Variants in RIMS2 observed in about 807,000 individuals in gnomAD.
The protein encoded by RIMS2 is regulating synaptic membrane exocytosis protein 2.
In RIMS2, 59 loss-of-function variants were observed where a neutral mutation model predicts 174.4. That is an observed-to-expected ratio of 0.34 (90% CI 0.27 to 0.42). The LOEUF is 0.42. RIMS2 is among the 10% of genes least tolerant of loss of function. The pLI, the probability that RIMS2 is intolerant of heterozygous loss-of-function variation, is 1.00. For missense variants in RIMS2, 1,620 were observed against 1,666.3 expected, an observed-to-expected ratio of 0.97 and a Z score of 0.48; for synonymous variants, 606 against 572.5, an observed-to-expected ratio of 1.06 and a Z score of -0.84.
intron 19 of RIMS2, among the ~76,000 whole-genome samples, chr8:104,232,392 A>G (rs2099235331): frequency 6.6e-6 from 1 of 152,258 alleles, no homozygotes; most frequent in Non-Finnish European, 1.5e-5. Flanking sequence ...ATCATACATT[A>G]CAAAGAAACA....
At chr8:103,787,695 G>T (rs1357351163) in intron 3 of RIMS2, among the ~76,000 whole-genome samples, 1 of 152,144 alleles carries the variant, frequency 6.6e-6, no homozygotes. Flanking sequence ...CTCTCTGGCT[G>T]CCCTTAACAT....
intron 14 of RIMS2, 80 bp downstream of exon 16, chr8:103,943,006 A>G: frequency 9.6e-7 from 1 of 1,044,726 alleles, no homozygotes; most frequent in Non-Finnish European, 1.4e-6. Context: ...GAACTTGAAG[A>G]TATCTTTGTG....
intron 1 of RIMS2, among the ~76,000 whole-genome samples, chr8:103,534,087 T>C (rs1294245705): frequency 1.3e-5 from 2 of 152,222 alleles, no homozygotes; most frequent in Non-Finnish European, 1.5e-5. Context: ...TTTGGAAATT[T>C]GCTTTTGCTG....
rs1355756135 is a variant in RIMS2, at chr8:104,248,761, C to T, written c.3537C>T (p.Gly1179=). The change falls in exon 21 of 24, where the codon GGC becomes GGT. Residue 1179 remains glycine (G), a synonymous_variant. Transcript: ENST00000504942. ...GCCAGTTCAGTGATTTCCTGGATGG[C>T]CTTGGCCCTGCTCAGCTAGTGGGAC... 6 of 1,613,202 alleles carry T rather than the reference C, an allele frequency of 3.7e-6. No homozygotes were observed. The Admixed American group carries it at 8.3e-5, about 22-fold the overall frequency.
At chr8:103,990,584 A>G (rs1048939818) in intron 17 of RIMS2, among the ~76,000 whole-genome samples, 3 of 152,212 alleles carry the variant, frequency 2.0e-5, no homozygotes, top group African/African-American at 7.2e-5. Context: ...CAATACTGTA[A>G]TAGAAAGAAG....
intron 19 of RIMS2, among the ~76,000 whole-genome samples, chr8:104,037,486 A>G (rs560718469): frequency 1.3e-5 from 2 of 152,316 alleles, no homozygotes; most frequent in Non-Finnish European, 2.9e-5. Flanking sequence ...CCTGTTGTAA[A>G]TGGTGGTAAG....
At chr8:103,593,541 C>T (rs952819091) in intron 1 of RIMS2, among the ~76,000 whole-genome samples, 1 of 151,310 alleles carries the variant, frequency 6.6e-6, no homozygotes, top group African/African-American at 2.4e-5. Flanking sequence ...ATATTCTTTC[C>T]TTTTCCAATC....
chr8:104,113,328 T>C (rs2098224957), intron 19 of RIMS2, among the ~76,000 whole-genome samples: 1 of 152,142 alleles, frequency 6.6e-6, no homozygotes, highest in African/African-American at 2.4e-5. Flanking sequence ...GATTGTCCAA[T>C]CTGCTTGAAC....
In RIMS2 at chr8:103,597,864, CTATT is replaced by C. The variant is rs200125638; in HGVS notation, c.176+96803_176+96806del. Reference sequence around the variant, plus strand: ...TGAAATCAATTTGGTGTGAATAAAACTATTAATTAAGAACAAAGATGTAAATTGA... The same window carrying C: ...TGAAATCAATTTGGTGTGAATAAAACAATTAAGAACAAAGATGTAAATTGA... On this transcript the variant is annotated intron_variant, in intron 1 of 23. Coordinates refer to ENST00000504942, the Ensembl canonical transcript of RIMS2. Among the ~76,000 whole-genome samples the C allele has an allele frequency of 8.0e-3, 1,212 of 152,046 alleles. 18 individuals carry two copies. Among genetic ancestry groups the C allele is most frequent in the Non-Finnish European group, 6.9e-3 (468 of 67,976 alleles).
intron 19 of RIMS2, among the ~76,000 whole-genome samples, chr8:104,069,026 T>C (rs1213157205): frequency 6.6e-6 from 1 of 152,204 alleles, no homozygotes; most frequent in Admixed American, 6.5e-5. Context: ...TGGATCAACT[T>C]ACAAGTTTTT....
At chr8:104,128,945 T>G (rs1207080827) in intron 19 of RIMS2, among the ~76,000 whole-genome samples, 2 of 152,170 alleles carry the variant, frequency 1.3e-5, no homozygotes, top group Admixed American at 1.3e-4. Context: ...TGTGACCTAA[T>G]TTGCAATTTC....
At chr8:104,076,283 A>G (rs2097290661) in intron 19 of RIMS2, among the ~76,000 whole-genome samples, 1 of 151,408 alleles carries the variant, frequency 6.6e-6, no homozygotes, top group African/African-American at 2.4e-5. Context: ...CATTTTTGAA[A>G]TCATTTATGC....
At chr8:103,965,080 A>G (rs1361917095) in intron 15 of RIMS2, among the ~76,000 whole-genome samples, 1 of 152,180 alleles carries the variant, frequency 6.6e-6, no homozygotes, top group Non-Finnish European at 1.5e-5. Context: ...TAAGTATTGA[A>G]AAGTCAGGGT....
chr8:103,588,549 A>G (rs938504082), intron 1 of RIMS2, among the ~76,000 whole-genome samples: 2 of 152,048 alleles, frequency 1.3e-5, no homozygotes, highest in Non-Finnish European at 2.9e-5. Context: ...TGGTACTGGC[A>G]TAAAAACAGA....
At chr8:103,877,305 T>A (rs1363537794) in intron 3 of RIMS2, among the ~76,000 whole-genome samples, 4 of 151,942 alleles carry the variant, frequency 2.6e-5, no homozygotes, top group Non-Finnish European at 5.9e-5. Flanking sequence ...ATTCATGATG[T>A]TGAGTATTTT....
Position 104,014,635 on chromosome 8 carries a change from G to T in RIMS2, c.3334+20G>T, listed in dbSNP as rs1202620910. The T allele has an allele frequency of 2.1e-6, 3 of 1,457,634 alleles. No individual in the cohort carries two copies. In the African/African-American group the frequency reaches 4.2e-5, roughly 20 times the overall value. The allele number at this position is 1,457,634 out of a possible 1,614,324, so 90.3% of individuals were successfully genotyped here. A position where few individuals can be genotyped will look rare whatever the true frequency, so the allele number is the denominator to read the frequency against. ...ATAGAAGTAAGTTTTATTTCTAATT[G>T]TCTCGTTTAGGAAATACACATGGAA... On this transcript the variant is annotated intron_variant, in intron 19 of 23. Coordinates refer to ENST00000504942, the Ensembl canonical transcript of RIMS2.
intron 19 of RIMS2, among the ~76,000 whole-genome samples, chr8:104,096,249 C>A (rs1308570147): frequency 6.6e-6 from 1 of 152,154 alleles, no homozygotes; most frequent in Admixed American, 6.5e-5. Flanking sequence ...CATGAGAACA[C>A]ATGAGCCCAT....
chr8:104,021,571 C>T (rs1001449489), intron 19 of RIMS2, among the ~76,000 whole-genome samples: 10 of 152,128 alleles, frequency 6.6e-5, no homozygotes, highest in African/African-American at 1.4e-4. Context: ...GTGTCAAGAT[C>T]GTATCTTTTC....
At chr8:103,773,695 A>G (rs1477919314) in intron 3 of RIMS2, among the ~76,000 whole-genome samples, 1 of 152,050 alleles carries the variant, frequency 6.6e-6, no homozygotes, top group Admixed American at 6.6e-5. Flanking sequence ...GCGCCATTGC[A>G]CTCCAGCCTG....
Sources: gnomAD v4.1 joint callset for allele counts (sites outside exome capture counted in the v4.1 genomes callset) on GRCh38, gnomAD v4.1.1 for gene constraint, MANE v1.5 for transcripts, NCBI Gene and HGNC (gene_info 2026-07-23, HGNC 2026-07-21) for gene names.